Variants in PTPRD observed in about 807,000 individuals in gnomAD.
The protein encoded by PTPRD is protein tyrosine phosphatase receptor type D.
A neutral mutation model predicts 214.5 loss-of-function variants in PTPRD; 34 were observed. The observed-to-expected ratio is 0.16, with a 90% CI of 0.12 to 0.21. PTPRD has a LOEUF of 0.21. Ranked by LOEUF, PTPRD falls within the 10% of genes least tolerant of loss-of-function variation. The pLI is 1.00. For missense variants in PTPRD, 2,545 were observed against 2,398.7 expected, an observed-to-expected ratio of 1.06 and a Z score of -1.27; for synonymous variants, 1,128 against 845.7, an observed-to-expected ratio of 1.33 and a Z score of -5.79.
intron 3 of PTPRD, among the ~76,000 whole-genome samples, chr9:10,201,477 C>A (rs1288922818): frequency 6.6e-6 from 1 of 151,880 alleles, no homozygotes; most frequent in South Asian, 2.1e-4. Context: ...AATATAATGT[C>A]ATTTTAGGAT....
chr9:9,447,130 G>T (rs577091456), intron 8 of PTPRD, among the ~76,000 whole-genome samples: 1 of 151,972 alleles, frequency 6.6e-6, no homozygotes, highest in Non-Finnish European at 1.5e-5. Flanking sequence ...ACCAAAAATC[G>T]GAATTACTAT....
intron 10 of PTPRD, among the ~76,000 whole-genome samples, chr9:9,032,535 C>A (rs1180829204): frequency 6.6e-6 from 1 of 151,978 alleles, no homozygotes; most frequent in Non-Finnish European, 1.5e-5. Context: ...CCCTCCCTTG[C>A]CCCCAAGGAC....
intron 7 of PTPRD, among the ~76,000 whole-genome samples, chr9:9,702,142 G>A (rs2097518444): frequency 6.6e-6 from 1 of 151,852 alleles, no homozygotes; most frequent in Non-Finnish European, 1.5e-5. Flanking sequence ...GAGAGAGAGA[G>A]AAAGAAAGAG....
At position 9,064,250 on chromosome 9, in the gene PTPRD, T is replaced by C. The variant is rs186858757; in HGVS notation, c.-142-45515A>G. 2.3e-3 allele frequency among the ~76,000 whole-genome samples: 347 copies of C among 152,336 alleles called. 1 individual carries two copies. The highest frequency in any genetic ancestry group is 7.9e-3 in the African/African-American group (327 of 41,586). On this transcript the variant is annotated intron_variant, in intron 10 of 45. Transcript: ENST00000381196. Reference sequence around the variant, plus strand: ...GCTATTTATTGTGTGTGTCTATTTTTAAAGATACTATGTTTAGCAGGATTA... The same window carrying C: ...GCTATTTATTGTGTGTGTCTATTTTCAAAGATACTATGTTTAGCAGGATTA...
chr9:8,692,777 T>A (rs1394972487), intron 12 of PTPRD, among the ~76,000 whole-genome samples: 2 of 152,220 alleles, frequency 1.3e-5, no homozygotes, highest in Non-Finnish European at 2.9e-5. Context: ...TTTTCCAGAC[T>A]TTTAAGAACC....
chr9:8,870,926 G>C (rs1026137559), intron 11 of PTPRD, among the ~76,000 whole-genome samples: 1 of 152,138 alleles, frequency 6.6e-6, no homozygotes, highest in Non-Finnish European at 1.5e-5. Flanking sequence ...CGTATCCTTG[G>C]GCATCCAAAA....
intron 2 of PTPRD, among the ~76,000 whole-genome samples, chr9:10,476,363 A>G (rs1467286575): frequency 6.6e-6 from 1 of 152,224 alleles, no homozygotes; most frequent in Non-Finnish European, 1.5e-5. Context: ...AAGCCAAATC[A>G]TGAGTGAACT....
chr9:8,408,882 G>C (rs1041071473), intron 35 of PTPRD, among the ~76,000 whole-genome samples: 1 of 87,672 alleles, frequency 1.1e-5, no homozygotes, highest in Non-Finnish European at 2.2e-5. Flanking sequence ...CCTATTGTGA[G>C]TGATTTAAAG....
chr9:8,820,779 C>T (rs1012011386), intron 11 of PTPRD, among the ~76,000 whole-genome samples: 3 of 152,130 alleles, frequency 2.0e-5, no homozygotes, highest in East Asian at 1.9e-4. Context: ...TGGACTCACA[C>T]AAGACTCAAA....
At chr9:10,046,320 C>G (rs1008536117) in intron 3 of PTPRD, among the ~76,000 whole-genome samples, 1 of 151,760 alleles carries the variant, frequency 6.6e-6, no homozygotes, top group Non-Finnish European at 1.5e-5. Flanking sequence ...CTTTGAACTT[C>G]TAACATTTTA....
intron 6 of PTPRD, among the ~76,000 whole-genome samples, chr9:9,752,426 A>G (rs959290969): frequency 3.9e-5 from 6 of 152,048 alleles, no homozygotes; most frequent in Non-Finnish European, 8.8e-5. Flanking sequence ...GTTATAATGA[A>G]CTCAAGGTTT....
intron 7 of PTPRD, among the ~76,000 whole-genome samples, chr9:9,612,807 C>G (rs2154346350): frequency 6.6e-6 from 1 of 152,082 alleles, no homozygotes; most frequent in African/African-American, 2.4e-5. Context: ...ACTTTGCTGT[C>G]AAGGGAAATA....
intron 5 of PTPRD, among the ~76,000 whole-genome samples, chr9:9,912,152 T>C: frequency 6.6e-6 from 1 of 152,146 alleles, no homozygotes; most frequent in East Asian, 1.9e-4. Context: ...GTCAAGTATA[T>C]TTAGAAGTAA....
At chr9:8,635,463 C>A (rs1194048369) in intron 13 of PTPRD, among the ~76,000 whole-genome samples, 3 of 151,940 alleles carry the variant, frequency 2.0e-5, no homozygotes, top group African/African-American at 7.2e-5. Context: ...CAATAATAAT[C>A]AAGTATTTGA....
chr9:10,578,570 T>A (rs561567726), intron 2 of PTPRD, among the ~76,000 whole-genome samples: 1 of 152,176 alleles, frequency 6.6e-6, no homozygotes, highest in African/African-American at 2.4e-5. Context: ...GAGTCATTTA[T>A]ATTCTTACAA....
At chr9:9,919,863 G>C (rs991459057) in intron 5 of PTPRD, among the ~76,000 whole-genome samples, 2 of 152,098 alleles carry the variant, frequency 1.3e-5, no homozygotes, top group East Asian at 3.8e-4. Flanking sequence ...GCTGCTGCCA[G>C]GATTGAGTGA....
chr9:9,227,008 T>C (rs2099959900), intron 9 of PTPRD, among the ~76,000 whole-genome samples: 1 of 152,136 alleles, frequency 6.6e-6, no homozygotes, highest in South Asian at 2.1e-4. Flanking sequence ...ATTTCATATT[T>C]ATATGGCTTT....
At chr9:8,366,969 G>A (rs1352924744) in intron 39 of PTPRD, among the ~76,000 whole-genome samples, 1 of 152,208 alleles carries the variant, frequency 6.6e-6, no homozygotes, top group Admixed American at 6.5e-5. Context: ...AAACGCCTAC[G>A]GCCTGTTCTT....
chr9:10,335,322 C>T (rs1454030356), intron 3 of PTPRD, among the ~76,000 whole-genome samples: 2 of 151,676 alleles, frequency 1.3e-5, no homozygotes, highest in African/African-American at 2.4e-5. Flanking sequence ...GAAACAATTG[C>T]AAAGCAATGG....
Sources: allele counts gnomAD v4.1 joint callset (sites outside exome capture counted in the v4.1 genomes callset), GRCh38; gene constraint gnomAD v4.1.1; transcripts MANE v1.5; gene names NCBI Gene and HGNC (gene_info 2026-07-23, HGNC 2026-07-21).